The following CDH9 variants were observed in gnomAD, a reference collection of about 807,000 sequenced individuals.
CDH9 encodes cadherin 9.
CDH9 carries 28 observed loss-of-function variants against 70.9 expected under a neutral mutation model. The ratio of observed to expected loss-of-function variants is 0.40; its 90% CI spans 0.29 to 0.54. The LOEUF (loss-of-function observed/expected upper bound fraction) is 0.54. CDH9 is among the 20% of genes least tolerant of loss of function. CDH9 has a pLI of 0.59. For synonymous variants in CDH9, 409 were observed against 343.1 expected (o/e 1.19, Z -2.12); for missense variants, 874 against 984.4 (o/e 0.89, Z 1.50).
intron 2 of CDH9, among the ~76,000 whole-genome samples, chr5:26,954,525 CA>C (rs1741911908): frequency 5.3e-5 from 8 of 151,338 alleles, no homozygotes; most frequent in Admixed American, 1.3e-4. Flanking sequence ...GCTGGCACTA[CA>C]GGTGCCCGCC....
chr5:26,994,992 T>A (rs141898304), intron 1 of CDH9, among the ~76,000 whole-genome samples: 1 of 152,310 alleles, frequency 6.6e-6, no homozygotes, highest in African/African-American at 2.4e-5. Flanking sequence ...CGTTTTAGTC[T>A]CTATTGCTTT....
chr5:26,943,150 CA>C (rs1741690945), intron 2 of CDH9, among the ~76,000 whole-genome samples: 1 of 152,040 alleles, frequency 6.6e-6, no homozygotes, highest in Non-Finnish European at 1.5e-5. Flanking sequence ...AATGCAAACA[CA>C]AAACCTTGAT....
chr5:26,962,598 T>A (rs1310527202), intron 2 of CDH9, among the ~76,000 whole-genome samples: 1 of 152,186 alleles, frequency 6.6e-6, no homozygotes, highest in Admixed American at 6.5e-5. Flanking sequence ...TTTGTAAGTT[T>A]GTTGGCTGCA....
Position 26,885,755 on chromosome 5 carries a change from T to C in CDH9, c.1741A>G (p.Thr581Ala). Residue 581 changes from threonine (T) to alanine (A), a missense_variant, in exon 11 of 12, where the codon ACT becomes GCT. Physicochemically the swap from Thr to Ala is moderately conservative, Grantham distance 58 (BLOSUM62 0). Transcript: ENST00000231021. ...CACACACGGATAGTGAGTGTACCAG[T>C]GCTGCTTTGAATTGGATAATCGTTG... ...FDNDYPIQSS[T>A]GTLTIRVCAC... 1 of 1,613,876 alleles carries C rather than the reference T, an allele frequency of 6.2e-7. No homozygotes were observed. Among genetic ancestry groups the C allele is most frequent in the Non-Finnish European group, 8.5e-7 (1 of 1,179,926 alleles).
At chr5:26,978,086 T>A (rs2112080945) in intron 2 of CDH9, among the ~76,000 whole-genome samples, 1 of 152,152 alleles carries the variant, frequency 6.6e-6, no homozygotes. Flanking sequence ...TAAAGCAAGA[T>A]AATAGAATTT....
chr5:26,960,846 A>G (rs1396395206), intron 2 of CDH9, among the ~76,000 whole-genome samples: 1 of 152,098 alleles, frequency 6.6e-6, no homozygotes, highest in African/African-American at 2.4e-5. Flanking sequence ...TTATTTTCAT[A>G]TGCATGTGTA....
At chr5:26,944,373 T>A (rs10050541) in intron 2 of CDH9, among the ~76,000 whole-genome samples, 1 of 152,170 alleles carries the variant, frequency 6.6e-6, no homozygotes, top group Non-Finnish European at 1.5e-5. Context: ...GATAACTTGG[T>A]TGGGCAGAAT....
chr5:27,026,935 G>A (rs1743230082), intron 1 of CDH9, among the ~76,000 whole-genome samples: 1 of 151,868 alleles, frequency 6.6e-6, no homozygotes, highest in African/African-American at 2.4e-5. Context: ...TTCATAAGTT[G>A]TAGTCATTTT....
intron 2 of CDH9, among the ~76,000 whole-genome samples, chr5:26,963,958 G>A (rs908472189): frequency 6.6e-6 from 1 of 152,034 alleles, no homozygotes; most frequent in Non-Finnish European, 1.5e-5. Context: ...AACTTAAAGA[G>A]CTTTTACCAA....
chr5:26,953,657 A>T (rs911831815), intron 2 of CDH9, among the ~76,000 whole-genome samples: 3 of 152,284 alleles, frequency 2.0e-5, no homozygotes, highest in African/African-American at 7.2e-5. Flanking sequence ...CAAGTCTTCC[A>T]CTACACATGC....
chr5:26,958,328 A>T (rs1030507188), intron 2 of CDH9, among the ~76,000 whole-genome samples: 3 of 152,182 alleles, frequency 2.0e-5, no homozygotes, highest in African/African-American at 7.2e-5. Flanking sequence ...TTTGTATCCA[A>T]ATTGAAATAA....
intron 7 of CDH9, among the ~76,000 whole-genome samples, chr5:26,895,473 A>T (rs1284717060): frequency 6.6e-6 from 1 of 152,040 alleles, no homozygotes; most frequent in Non-Finnish European, 1.5e-5. Flanking sequence ...GCATAATTAA[A>T]TCCCTCACCA....
intron 2 of CDH9, among the ~76,000 whole-genome samples, chr5:26,977,192 G>A (rs1235259230): frequency 6.6e-6 from 1 of 151,794 alleles, no homozygotes; most frequent in Non-Finnish European, 1.5e-5. Context: ...TCTTAAATAG[G>A]CATTTCATGT....
At chr5:26,975,260 C>T (rs1742286641) in intron 2 of CDH9, among the ~76,000 whole-genome samples, 1 of 152,106 alleles carries the variant, frequency 6.6e-6, no homozygotes, top group Admixed American at 6.6e-5. Flanking sequence ...TATTTACATA[C>T]CGCCAAAGCA....
chr5:26,990,730 T>C (rs1047286976), intron 1 of CDH9, among the ~76,000 whole-genome samples: 3 of 152,188 alleles, frequency 2.0e-5, no homozygotes, highest in African/African-American at 4.8e-5. Context: ...ACAGCTGTTA[T>C]CTTACTTTGA....
chr5:27,030,988 C>A lies in CDH9; in HGVS notation c.-50+7475G>T, dbSNP rs182576089. On this transcript the variant is annotated intron_variant, in intron 1 of 11. Transcript: ENST00000231021. ...TCTGTAATCCTAACTTATATGCTTT[C>A]TTTTCTGCAGGCTAACATTGGTTAC... is the stretch of plus-strand genomic sequence containing the variant. 1.6e-3 allele frequency among the ~76,000 whole-genome samples: 239 copies of A among 151,740 alleles called. 1 individual carries two copies. Among genetic ancestry groups the A allele is most frequent in the Middle Eastern group, 3.6e-3 (1 of 278 alleles).
At chr5:26,926,759 G>A (rs963856666) in intron 2 of CDH9, among the ~76,000 whole-genome samples, 1 of 151,778 alleles carries the variant, frequency 6.6e-6, no homozygotes, top group Non-Finnish European at 1.5e-5. Context: ...ATAGACCAAC[G>A]GAACAGAACA....
chr5:27,026,149 T>C lies in CDH9; in HGVS notation c.-50+12314A>G, dbSNP rs150807847. 7.1e-4 allele frequency among the ~76,000 whole-genome samples: 108 copies of C among 152,104 alleles called. 2 individuals carry two copies. The East Asian group carries it at 0.02, about 28-fold the overall frequency. Reference sequence around the variant, plus strand: ...CATTATATCATATTGGAATATCTTATTTAATCAAGCAAGAAAAAAATAGAA... The same window carrying C: ...CATTATATCATATTGGAATATCTTACTTAATCAAGCAAGAAAAAAATAGAA... On this transcript the variant is annotated intron_variant, in intron 1 of 11. Transcript: ENST00000231021.
At chr5:26,940,025 G>T (rs1011503399) in intron 2 of CDH9, among the ~76,000 whole-genome samples, 1 of 151,928 alleles carries the variant, frequency 6.6e-6, no homozygotes, top group Non-Finnish European at 1.5e-5. Flanking sequence ...CAAGCATGGT[G>T]GTGCATGCCT....
Sources: gnomAD v4.1 joint callset for allele counts (sites outside exome capture counted in the v4.1 genomes callset) on GRCh38, gnomAD v4.1.1 for gene constraint, MANE v1.5 for transcripts, NCBI Gene and HGNC (gene_info 2026-07-23, HGNC 2026-07-21) for gene names.